The following CDH10 variants were observed in gnomAD, a reference collection of about 807,000 sequenced individuals.
CDH10 encodes the protein cadherin 10.
Under a neutral mutation model 73.1 loss-of-function variants are expected in CDH10, and 30 were observed. That is an observed-to-expected ratio of 0.41 (90% confidence interval 0.31 to 0.56). The LOEUF is 0.56. CDH10 is among the 20% of genes least tolerant of loss of function. The pLI is 0.27. For missense variants in CDH10, 815 were observed against 973.7 expected, an observed-to-expected ratio of 0.84 and a Z score of 2.17; for synonymous variants, 345 against 348.2, an observed-to-expected ratio of 0.99 and a Z score of 0.10.
chr5:24,622,846 C>A (rs1010268140), intron 1 of CDH10, among the ~76,000 whole-genome samples: 1 of 152,098 alleles, frequency 6.6e-6, no homozygotes, highest in Admixed American at 6.6e-5. Context: ...AAAATAAAAT[C>A]TTCACTTAGT....
intron 1 of CDH10, among the ~76,000 whole-genome samples, chr5:24,619,682 A>G (rs1442311606): frequency 6.6e-6 from 1 of 152,216 alleles, no homozygotes; most frequent in Non-Finnish European, 1.5e-5. Context: ...TTATGTTCCT[A>G]AAACATTCAT....
Position 24,509,671 on chromosome 5 carries a change from A to G in CDH10, c.1151T>C (p.Phe384Ser). Reference sequence around the variant, plus strand: ...TTCAAACAGATAGGAGGACCTACTAAAAACAGGAGGTTCATCCACATCTTC... The same window carrying G: ...TTCAAACAGATAGGAGGACCTACTAGAAACAGGAGGTTCATCCACATCTTC... ...SIEDVDEPPV[F>S]SRSSYLFEVH... is the part of the protein sequence containing the mutation. The change falls in exon 7 of 12, where the codon TTT becomes TCT. Residue 384 changes from phenylalanine to serine, a missense_variant. By Grantham distance (155) the Phe-to-Ser change is radical. Coordinates refer to ENST00000264463, the MANE Select transcript of CDH10 (RefSeq NM_006727.5). 4 of 1,612,978 alleles carry G rather than the reference A, an allele frequency of 2.5e-6. No individual in the cohort carries two copies. The highest frequency in any genetic ancestry group is 3.4e-6 in the Non-Finnish European group (4 of 1,178,944).
chr5:24,641,446 A>G (rs1748046711), intron 1 of CDH10, among the ~76,000 whole-genome samples: 1 of 152,066 alleles, frequency 6.6e-6, no homozygotes, highest in African/African-American at 2.4e-5. Context: ...ACTAGAAAGG[A>G]AAAAGGCAGA....
chr5:24,550,941 G>A (rs919395941), intron 2 of CDH10, among the ~76,000 whole-genome samples: 10 of 151,978 alleles, frequency 6.6e-5, no homozygotes, highest in Non-Finnish European at 1.0e-4. Flanking sequence ...CTTCTTTTTC[G>A]GTCATTCTAT....
chr5:24,541,488 C>T (rs563192461), intron 2 of CDH10, among the ~76,000 whole-genome samples: 3 of 152,020 alleles, frequency 2.0e-5, no homozygotes, highest in African/African-American at 7.2e-5. Flanking sequence ...CAGGTAACAA[C>T]ACTTGGATTT....
chr5:24,517,842 G>T (rs1166534503), intron 5 of CDH10, among the ~76,000 whole-genome samples: 1 of 152,008 alleles, frequency 6.6e-6, no homozygotes, highest in Non-Finnish European at 1.5e-5. Context: ...CAAAATCTAG[G>T]TTATCTACAA....
At chr5:24,519,622 G>T (rs1743237988) in intron 5 of CDH10, among the ~76,000 whole-genome samples, 1 of 151,982 alleles carries the variant, frequency 6.6e-6, no homozygotes, top group Admixed American at 6.6e-5. Context: ...AATTAAACCA[G>T]GCAAATGCAA....
At chr5:24,568,326 AG>A (rs1039914637) in intron 2 of CDH10, among the ~76,000 whole-genome samples, 4 of 152,182 alleles carry the variant, frequency 2.6e-5, no homozygotes, top group Admixed American at 2.0e-4. Context: ...AATTAAAAAA[AG>A]ATCAAAGAAA....
At chr5:24,585,797 T>C (rs115914730) in intron 2 of CDH10, among the ~76,000 whole-genome samples, 3 of 137,956 alleles carry the variant, frequency 2.2e-5, no homozygotes, top group East Asian at 4.5e-4. Flanking sequence ...TAGATTTTTG[T>C]TTTTTTCTCT....
rs573647940 is a variant in CDH10, at chr5:24,493,321, T to A, written c.1516-396A>T. Among the ~76,000 whole-genome samples the A allele has an allele frequency of 5.6e-4, 85 of 152,090 alleles. 2 individuals carry two copies. The South Asian group carries it at 0.017, about 31-fold the overall frequency. ...TCCCCAAAAATAAAATGAAAAATGG[T>A]CGAGGAATGTAGAGATTTTATAGGT... On this transcript the variant is annotated intron_variant, in intron 9 of 11. Transcript: ENST00000264463.
At chr5:24,614,682 C>A (rs535441232) in intron 1 of CDH10, among the ~76,000 whole-genome samples, 1 of 152,120 alleles carries the variant, frequency 6.6e-6, no homozygotes, top group Admixed American at 6.5e-5. Flanking sequence ...GAACCAGTGA[C>A]AATTATTAGC....
At chr5:24,626,158 A>C (rs1418040261) in intron 1 of CDH10, among the ~76,000 whole-genome samples, 3 of 152,182 alleles carry the variant, frequency 2.0e-5, no homozygotes, top group Non-Finnish European at 4.4e-5. Context: ...AATTTCATGG[A>C]TCAGATTCTT....
At chr5:24,519,081 G>A (rs1476455944) in intron 5 of CDH10, among the ~76,000 whole-genome samples, 1 of 151,378 alleles carries the variant, frequency 6.6e-6, no homozygotes, top group Admixed American at 6.6e-5. Context: ...AGTATAGATA[G>A]GTTTTTGCCA....
At chr5:24,625,561 A>G (rs1182698561) in intron 1 of CDH10, among the ~76,000 whole-genome samples, 1 of 86,600 alleles carries the variant, frequency 1.2e-5, no homozygotes, top group Non-Finnish European at 3.2e-5. Context: ...ATATATATAT[A>G]TTCATATATA....
At chr5:24,611,725 A>G (rs902181256) in intron 1 of CDH10, 2 of 152,164 alleles carry the variant, frequency 1.3e-5, no homozygotes, top group Admixed American at 6.5e-5. Flanking sequence ...GCTAACCGAC[A>G]TAATTCAGCA....
At chr5:24,604,848 G>A (rs1201780472) in intron 1 of CDH10, among the ~76,000 whole-genome samples, 7 of 145,446 alleles carry the variant, frequency 4.8e-5, no homozygotes, top group African/African-American at 1.6e-4. Flanking sequence ...AGTCAAACCT[G>A]GGGAACAAGA....
chr5:24,583,018 C>T (rs1745859015), intron 2 of CDH10, among the ~76,000 whole-genome samples: 1 of 151,966 alleles, frequency 6.6e-6, no homozygotes, highest in Non-Finnish European at 1.5e-5. Flanking sequence ...AAAGATATAA[C>T]TCTGTGTCAA....
chr5:24,558,357 T>A (rs1349259868), intron 2 of CDH10, among the ~76,000 whole-genome samples: 13 of 151,766 alleles, frequency 8.6e-5, no homozygotes, highest in Admixed American at 8.5e-4. Context: ...CATTCACAAT[T>A]TCAAATATTT....
At chr5:24,516,616 T>C (rs1021844923) in intron 5 of CDH10, among the ~76,000 whole-genome samples, 2 of 151,960 alleles carry the variant, frequency 1.3e-5, no homozygotes, top group Non-Finnish European at 2.9e-5. Flanking sequence ...TTATTTTATA[T>C]TATTTATTAG....
Sources: allele counts gnomAD v4.1 joint callset (sites outside exome capture counted in the v4.1 genomes callset), GRCh38; gene constraint gnomAD v4.1.1; transcripts MANE v1.5; gene names NCBI Gene and HGNC (gene_info 2026-07-23, HGNC 2026-07-21).